The following USP3 variants were observed in gnomAD, a reference collection of about 807,000 sequenced individuals.
USP3 encodes ubiquitin specific peptidase 3.
USP3 carries 20 observed loss-of-function variants against 72.3 expected under a neutral mutation model. The observed-to-expected ratio is 0.28, with a 90% confidence interval of 0.19 to 0.40. The LOEUF is 0.40. USP3 is among the 10% of genes least tolerant of loss of function. USP3 has a pLI of 1.00. For synonymous variants in USP3, 222 were observed against 225.3 expected, an observed-to-expected ratio of 0.99 and a Z score of 0.13; for missense variants, 479 against 633.9, an observed-to-expected ratio of 0.76 and a Z score of 2.62.
chr15:63,590,631 C>G (rs1171563975), intron 14 of USP3, 30 bp from the exon 15 acceptor site: 1 of 1,508,116 alleles, frequency 6.6e-7, no homozygotes, highest in Non-Finnish European at 8.9e-7. Context: ...TTCTGAGGTT[C>G]TTTTTTCCTT....
At chr15:63,583,974 A>G (rs1230101120) in intron 11 of USP3, among the ~76,000 whole-genome samples, 1 of 151,886 alleles carries the variant, frequency 6.6e-6, no homozygotes, top group Non-Finnish European at 1.5e-5. Flanking sequence ...TCTTTTGGGT[A>G]TATACCTAAG....
chr15:63,562,777 G>T (rs1186707592), intron 7 of USP3, 118 bp from the exon 8 acceptor site: 11 of 599,502 alleles, frequency 1.8e-5, no homozygotes. Flanking sequence ...CTTCAGAAAA[G>T]ACCAAATCCT....
intron 1 of USP3, among the ~76,000 whole-genome samples, chr15:63,511,221 A>G (rs928534483): frequency 3.4e-5 from 5 of 147,076 alleles, no homozygotes; most frequent in Non-Finnish European, 6.0e-5. Context: ...AGATAGCCCA[A>G]AGCTTAAACT....
At position 63,553,883 on chromosome 15, in the gene USP3, T is replaced by C; in HGVS notation, c.368+85T>C. On this transcript the variant is annotated intron_variant, in intron 4 of 14. Transcript: ENST00000380324. The surrounding 1 kb of genome is among the most constrained non-coding windows in gnomAD (Gnocchi z 4.2). ...AATTTTTGAGTGGGGTTTTTGTTGA[T>C]GAGTTTAATAACTTCATGTTTATAA... 9.9e-7 allele frequency: 1 copy of C among 1,014,292 alleles called. No homozygotes were observed. Among genetic ancestry groups the C allele is most frequent in the Non-Finnish European group, 1.5e-6 (1 of 686,708 alleles). The allele number at this position is 1,014,292 out of a possible 1,614,324, so 62.8% of individuals were successfully genotyped here. A position where few individuals can be genotyped will look rare whatever the true frequency, so the allele number is the denominator to read the frequency against.
At chr15:63,549,656 G>A (rs950966745) in intron 3 of USP3, among the ~76,000 whole-genome samples, 9 of 152,104 alleles carry the variant, frequency 5.9e-5, no homozygotes, top group African/African-American at 1.2e-4. Context: ...CAATTTTAAC[G>A]TAAATTGTTA....
chr15:63,554,400 ATAGT>A (rs1453829960), intron 4 of USP3, among the ~76,000 whole-genome samples: 1 of 152,212 alleles, frequency 6.6e-6, no homozygotes, highest in Non-Finnish European at 1.5e-5. Flanking sequence ...GTATAGTCAA[ATAGT>A]TAGATAAAAC....
At chr15:63,584,615 A>G (rs1280082662) in intron 11 of USP3, among the ~76,000 whole-genome samples, 2 of 152,088 alleles carry the variant, frequency 1.3e-5, no homozygotes, top group Non-Finnish European at 2.9e-5. Flanking sequence ...TCCTTTCCCC[A>G]TTTTTGAATC....
At position 63,579,921 on chromosome 15, in the gene USP3, GTGT is replaced by G. The variant is rs1321420848; in HGVS notation, c.1096+5526_1096+5528del. 5.3e-5 allele frequency among the ~76,000 whole-genome samples: 8 copies of G among 152,294 alleles called. No homozygotes were observed. The South Asian group carries it at 8.3e-4, about 16-fold the overall frequency. ...TGGATGTCAGTGGAAGAGGACACTC[GTGT>G]TGTTGTTATAAGTCTAAATTGGCAT... On this transcript the variant is annotated intron_variant, in intron 11 of 14. Transcript: ENST00000380324.
intron 3 of USP3, among the ~76,000 whole-genome samples, chr15:63,537,790 A>G (rs765710252): frequency 1.3e-5 from 2 of 151,790 alleles, no homozygotes; most frequent in East Asian, 1.9e-4. Context: ...GGTTCAAGCA[A>G]CTCTCCTGCC....
intron 1 of USP3, among the ~76,000 whole-genome samples, chr15:63,522,913 C>T (rs2065937846): frequency 6.6e-6 from 1 of 152,146 alleles, no homozygotes; most frequent in Admixed American, 6.5e-5. Context: ...TTTCTGAATA[C>T]TTCTGAGTTT....
chr15:63,559,662 A>G (rs147112627), intron 6 of USP3, among the ~76,000 whole-genome samples, 195 bp from the exon 7 acceptor site: 1 of 152,290 alleles, frequency 6.6e-6, no homozygotes, highest in East Asian at 1.9e-4. Context: ...TTACAAAGTC[A>G]TCTGTCTATA....
chr15:63,538,820 A>G lies in USP3; in HGVS notation c.284+1664A>G, dbSNP rs79471664. On this transcript the variant is annotated intron_variant, in intron 3 of 14. Coordinates refer to ENST00000380324, the MANE Select transcript of USP3 (RefSeq NM_006537.4). ...CTCGGCCTCCCAAAGGGTCTTTTAC[A>G]TTTTTACAGGTTCAACACCATTAAA... is the stretch of plus-strand genomic sequence containing the variant. 2.6e-4 allele frequency among the ~76,000 whole-genome samples: 39 copies of G among 152,094 alleles called. 2 individuals carry two copies. In the East Asian group the frequency reaches 6.4e-3, roughly 25 times the overall value.
rs562824965 is a variant in USP3, at chr15:63,529,472, C to A, written c.92-3175C>A. 6.6e-6 allele frequency among the ~76,000 whole-genome samples: 1 copy of A among 152,178 alleles called. No homozygotes were observed. The highest frequency in any genetic ancestry group is 1.9e-4 in the East Asian group (1 of 5,180). On this transcript the variant is annotated intron_variant, in intron 1 of 14. Coordinates refer to ENST00000380324, the MANE Select transcript of USP3 (RefSeq NM_006537.4). The surrounding 1 kb of genome is among the most constrained non-coding windows in gnomAD (Gnocchi z 4.2). Reference sequence around the variant, plus strand: ...TCTATACCAATTAAACAGTTACTTCCCATTCTCTTGACCCCCTCAGTCTTA... The same window carrying A: ...TCTATACCAATTAAACAGTTACTTCACATTCTCTTGACCCCCTCAGTCTTA...
intron 1 of USP3, among the ~76,000 whole-genome samples, chr15:63,517,037 AT>A (rs200401628): frequency 0.026 from 3,723 of 142,456 alleles, 128 homozygotes; most frequent in African/African-American, 0.082. Context: ...TATTTCCTTG[AT>A]TTTTTTTTTT....
intron 7 of USP3, 114 bp downstream of exon 7, chr15:63,560,084 C>G: frequency 5.7e-6 from 5 of 884,412 alleles, no homozygotes; most frequent in East Asian, 3.0e-5. Flanking sequence ...AAAAAATCTT[C>G]TAAAAATTGT....
intron 7 of USP3, 150 bp downstream of exon 7, chr15:63,560,120 A>T: frequency 1.4e-6 from 1 of 725,638 alleles, no homozygotes; most frequent in Non-Finnish European, 2.2e-6. Flanking sequence ...TAGCAATCTT[A>T]ATAATTGTTG....
At chr15:63,578,613 GA>G (rs527520835) in intron 11 of USP3, among the ~76,000 whole-genome samples, 1,537 of 85,500 alleles carry the variant, frequency 0.018, 21 homozygotes, top group African/African-American at 0.058. Flanking sequence ...CTCCGTCTCA[GA>G]AAAAAAAAAA....
At position 63,590,654 on chromosome 15, in the gene USP3, T is replaced by A. The variant is rs1292983118; in HGVS notation, c.1398-7T>A. 4 of 1,554,138 alleles carry A rather than the reference T, an allele frequency of 2.6e-6. No homozygotes were observed. Among genetic ancestry groups the A allele is most frequent in the Non-Finnish European group, 3.5e-6 (4 of 1,150,524 alleles). Reference sequence around the variant, plus strand: ...TTCTTTTTTCCTTTGGTCTTTTGCCTTTACAGGGTTGGTTCTGGACATTAC... The same window carrying A: ...TTCTTTTTTCCTTTGGTCTTTTGCCATTACAGGGTTGGTTCTGGACATTAC... On this transcript the variant is annotated splice_polypyrimidine_tract_variant and splice_region_variant and intron_variant, in intron 14 of 14. Coordinates refer to ENST00000380324, the MANE Select transcript of USP3 (RefSeq NM_006537.4).
intron 11 of USP3, among the ~76,000 whole-genome samples, chr15:63,584,354 T>C (rs901467352): frequency 2.6e-5 from 4 of 152,174 alleles, no homozygotes; most frequent in African/African-American, 9.7e-5. Flanking sequence ...CGCCTCGGCC[T>C]CCCAAAGTGC....
Sources: allele counts gnomAD v4.1 joint callset (sites outside exome capture counted in the v4.1 genomes callset), GRCh38; gene constraint gnomAD v4.1.1; non-coding constraint Gnocchi (gnomAD v3.1); transcripts MANE v1.5; gene names NCBI Gene and HGNC (gene_info 2026-07-23, HGNC 2026-07-21).